The following AVEN variants were observed in gnomAD, a reference collection of about 807,000 sequenced individuals.
The protein encoded by AVEN is cell death regulator Aven.
A neutral mutation model predicts 38.1 loss-of-function variants in AVEN; 41 were observed. That is an observed-to-expected ratio of 1.08 (90% CI 0.84 to 1.40). The LOEUF (loss-of-function observed/expected upper bound fraction) is 1.40, where lower values mean the gene tolerates loss of function less well. Among genes scored for constraint, AVEN ranks in the 40% most tolerant of loss-of-function variants. The pLI is 0.00. For missense variants in AVEN, 605 were observed against 438.8 expected (o/e 1.38, Z -3.38); for synonymous variants, 206 against 171.8 (o/e 1.20, Z -1.56).
chr15:33,922,190 T>C lies in AVEN; in HGVS notation c.446-46195A>G, dbSNP rs958774606. ...CTTGGAAAATATGTCACATAAGTTA[T>C]GCAACCACTGGAGTACAAAGCGAAA... On this transcript the variant is annotated intron_variant, in intron 2 of 5. Transcript: ENST00000306730. Among the ~76,000 whole-genome samples, 17 of 152,294 alleles carry C rather than the reference T, an allele frequency of 1.1e-4. No individual in the cohort carries two copies. The South Asian group carries it at 1.2e-3, about 11-fold the overall frequency.
At chr15:34,019,129 C>T (rs57559713) in intron 1 of AVEN, among the ~76,000 whole-genome samples, 1 of 152,200 alleles carries the variant, frequency 6.6e-6, no homozygotes, top group Non-Finnish European at 1.5e-5. Flanking sequence ...TCTAGCTAGA[C>T]AGAAAAGTTC....
chr15:33,871,117 G>T lies in AVEN; in HGVS notation c.517-87C>A, dbSNP rs567523014. On this transcript the variant is annotated intron_variant, in intron 3 of 5. Transcript: ENST00000306730. Reference sequence around the variant, plus strand: ...AAGAAGAAACTGTAAATAATCCACTGGAGTTACATTTGGCTAGGAATAAGT... The same window carrying T: ...AAGAAGAAACTGTAAATAATCCACTTGAGTTACATTTGGCTAGGAATAAGT... 2.7e-5 allele frequency: 23 copies of T among 863,350 alleles called. No individual in the cohort carries two copies. The African/African-American group carries it at 3.0e-4, about 11-fold the overall frequency. The allele number at this position is 863,350 out of a possible 1,614,324, so 53.5% of individuals were successfully genotyped here.
chr15:33,857,750 C>A (rs199970361), downstream of AVEN: 60 of 1,613,390 alleles, frequency 3.7e-5, no homozygotes, highest in East Asian at 1.3e-3. Context: ...GACCCCACTC[C>A]TTTTCCTTTC....
intron 2 of AVEN, among the ~76,000 whole-genome samples, chr15:33,949,853 T>A (rs1894667767): frequency 6.6e-6 from 1 of 152,154 alleles, no homozygotes; most frequent in Non-Finnish European, 1.5e-5. Flanking sequence ...GATCCAGCAA[T>A]CCCACTTCTG....
intron 2 of AVEN, among the ~76,000 whole-genome samples, chr15:33,918,321 T>G (rs1381252646): frequency 6.6e-6 from 1 of 152,186 alleles, no homozygotes; most frequent in Non-Finnish European, 1.5e-5. Context: ...TATGTACTTT[T>G]AAAATCAAAC....
chr15:33,918,864 G>A (rs1893272187), intron 2 of AVEN, among the ~76,000 whole-genome samples: 1 of 151,358 alleles, frequency 6.6e-6, no homozygotes, highest in South Asian at 2.1e-4. Context: ...TTAAGGAGAG[G>A]TTAATGCTAC....
At chr15:34,044,876 C>T (rs887834167) in intron 5 of AVEN, among the ~76,000 whole-genome samples, 2 of 152,100 alleles carry the variant, frequency 1.3e-5, no homozygotes, top group African/African-American at 4.8e-5. Flanking sequence ...GGGTGAAACC[C>T]CGTCTCTTAA....
At chr15:33,885,232 A>G (rs1891656167) in intron 2 of AVEN, among the ~76,000 whole-genome samples, 1 of 152,112 alleles carries the variant, frequency 6.6e-6, no homozygotes, top group South Asian at 2.1e-4. Context: ...CTGCTACCAA[A>G]AATAAAATGT....
chr15:33,979,157 A>G (rs1730959114), intron 2 of AVEN, among the ~76,000 whole-genome samples: 1 of 152,180 alleles, frequency 6.6e-6, no homozygotes, highest in Non-Finnish European at 1.5e-5. Flanking sequence ...CAACCACAGA[A>G]GAGTCACCTC....
At chr15:33,972,128 TCA>T (rs1267673468) in intron 2 of AVEN, 1 of 152,156 alleles carries the variant, frequency 6.6e-6, no homozygotes, top group Non-Finnish European at 1.5e-5. Flanking sequence ...AAGTACCATC[TCA>T]CAGTTTTCTC....
At chr15:33,981,553 C>T (rs1273151167) in intron 2 of AVEN, among the ~76,000 whole-genome samples, 1 of 152,188 alleles carries the variant, frequency 6.6e-6, no homozygotes, top group East Asian at 1.9e-4. Flanking sequence ...ATTTTCTATA[C>T]AATACACCAA....
intron 2 of AVEN, among the ~76,000 whole-genome samples, chr15:33,978,402 G>C (rs1462386229): frequency 6.6e-6 from 1 of 152,168 alleles, no homozygotes; most frequent in African/African-American, 2.4e-5. Context: ...GATGGCTCAC[G>C]CCTGTAATCC....
chr15:34,030,117 G>A (rs898620560), intron 1 of AVEN, among the ~76,000 whole-genome samples: 3 of 152,044 alleles, frequency 2.0e-5, no homozygotes, highest in African/African-American at 7.2e-5. Context: ...AGCCAGGCAT[G>A]GTGGCACATG....
intron 2 of AVEN, among the ~76,000 whole-genome samples, chr15:33,961,344 T>C (rs1895152776): frequency 6.6e-6 from 1 of 152,168 alleles, no homozygotes; most frequent in African/African-American, 2.4e-5. Flanking sequence ...TGCATAAGAA[T>C]TTCTCTTATT....
upstream of AVEN, among the ~76,000 whole-genome samples, chr15:34,042,124 A>G (rs146165005): frequency 2.4e-4 from 37 of 152,350 alleles, no homozygotes; most frequent in East Asian, 6.5e-3. Flanking sequence ...ATTAAGGTTT[A>G]AAAATACCAC....
intron 1 of AVEN, among the ~76,000 whole-genome samples, chr15:34,027,389 C>T (rs1898532345): frequency 6.6e-6 from 1 of 151,834 alleles, no homozygotes; most frequent in Non-Finnish European, 1.5e-5. Flanking sequence ...AACAGCCAGG[C>T]GTGTTGGTGG....
downstream of AVEN, among the ~76,000 whole-genome samples, chr15:33,855,160 G>C (rs191542329): frequency 1.3e-5 from 2 of 151,976 alleles, no homozygotes; most frequent in Admixed American, 6.5e-5. Context: ...GATCAACCAG[G>C]AGAGGGAGGG....
At chr15:33,921,118 A>T (rs2153047997) in intron 2 of AVEN, among the ~76,000 whole-genome samples, 1 of 152,310 alleles carries the variant, frequency 6.6e-6, no homozygotes, top group Admixed American at 6.5e-5. Flanking sequence ...TGCCCTTGAT[A>T]ACTGTTTAAC....
chr15:33,867,606 G>C lies in AVEN; in HGVS notation c.862C>G (p.Leu288Val), dbSNP rs1007048305. The change falls in exon 5 of 6, where the codon CTG (leucine) becomes GTG (valine). Residue 288 changes from leucine to valine, a missense_variant. Leu to Val is a conservative substitution (Grantham distance 32). Transcript: ENST00000306730. ...AGDHLEEELD[L>V]LLNLDAPIKE... Reference sequence around the variant, plus strand: ...ATAGGTGCATCTAAATTAAGCAACAGATCTAGTTCTTCTTCCAAATGGTCT... The same window carrying C: ...ATAGGTGCATCTAAATTAAGCAACACATCTAGTTCTTCTTCCAAATGGTCT... The C allele has an allele frequency of 5.6e-6, 9 of 1,614,210 alleles. No homozygotes were observed. Among genetic ancestry groups the C allele is most frequent in the Non-Finnish European group, 5.9e-6 (7 of 1,180,040 alleles).
Sources: allele counts gnomAD v4.1 joint callset (sites outside exome capture counted in the v4.1 genomes callset), GRCh38; gene constraint gnomAD v4.1.1; transcripts MANE v1.5; gene names NCBI Gene and HGNC (gene_info 2026-07-23, HGNC 2026-07-21).